The following RPAP2 variants were observed in gnomAD, a reference collection of about 807,000 sequenced individuals.
The protein encoded by RPAP2 is putative RNA polymerase II subunit B1 CTD phosphatase RPAP2.
In RPAP2, 52 loss-of-function variants were observed where a neutral mutation model predicts 73.1. That is an observed-to-expected ratio of 0.71 (90% CI 0.57 to 0.90). The LOEUF (loss-of-function observed/expected upper bound fraction) is 0.90, where lower values mean the gene tolerates loss of function less well. RPAP2 is among the 40% of genes least tolerant of loss of function. The pLI is 0.00. For missense variants in RPAP2, 598 were observed against 701.8 expected (o/e 0.85, Z 1.67); for synonymous variants, 225 against 242.1 (o/e 0.93, Z 0.65).
At chr1:92,363,358 G>C (rs1044016450) in intron 11 of RPAP2, among the ~76,000 whole-genome samples, 1 of 152,198 alleles carries the variant, frequency 6.6e-6, no homozygotes, top group Non-Finnish European at 1.5e-5. Context: ...GAGGCACAAG[G>C]AAATGTGATC....
At position 92,324,090 on chromosome 1, in the gene RPAP2, T is replaced by G. The variant is rs1194173013; in HGVS notation, c.1170T>G (p.Asn390Lys). 1 of 1,614,112 alleles carries G rather than the reference T, an allele frequency of 6.2e-7. No individual in the cohort carries two copies. Among genetic ancestry groups the G allele is most frequent in the Admixed American group, 1.7e-5 (1 of 60,024 alleles). Residue 390 changes from asparagine (N) to lysine (K), a missense_variant, in exon 8 of 13, where the codon AAT becomes AAG. Around this residue, in one of 3 missense-constraint regions of RPAP2, gnomAD observed 506 missense variants for 612.8 expected, o/e 0.83. Transcript: ENST00000610020. ...EETLRFLYGQNYASVCLKPEA... is the reference protein window; with the variant it reads ...EETLRFLYGQKYASVCLKPEA... ...CATTGAGGTTTTTGTATGGCCAGAA[T>G]TATGCTTCTGTGTGTCTGAAACCCG...
intron 6 of RPAP2, among the ~76,000 whole-genome samples, chr1:92,310,078 T>C (rs1327637057): frequency 6.6e-6 from 1 of 152,246 alleles, no homozygotes; most frequent in Non-Finnish European, 1.5e-5. Context: ...CTATTTATTA[T>C]ATTCCACTTG....
chr1:92,357,036 A>C (rs1654505253), intron 11 of RPAP2, among the ~76,000 whole-genome samples: 3 of 151,658 alleles, frequency 2.0e-5, no homozygotes, highest in Non-Finnish European at 4.4e-5. Context: ...ACTGCACTCC[A>C]GCCTGGGTGA....
At chr1:92,350,478 G>T (rs1307288444) in intron 11 of RPAP2, among the ~76,000 whole-genome samples, 2 of 152,282 alleles carry the variant, frequency 1.3e-5, no homozygotes, top group East Asian at 3.9e-4. Context: ...AAGTTTATCA[G>T]ACTTTACTCT....
chr1:92,305,431 T>G (rs1202865763), intron 5 of RPAP2, among the ~76,000 whole-genome samples: 1 of 9,742 alleles, frequency 1.0e-4, no homozygotes, highest in African/African-American at 5.6e-4. Flanking sequence ...AGGCTCCGTC[T>G]CAAAAAAAAA....
chr1:92,371,528 A>T (rs375854417), intron 11 of RPAP2, among the ~76,000 whole-genome samples: 1 of 151,956 alleles, frequency 6.6e-6, no homozygotes, highest in Non-Finnish European at 1.5e-5. Flanking sequence ...GAATCAGCCG[A>T]AGTGTCCATC....
chr1:92,395,842 A>C lies in RPAP2; in HGVS notation c.*8831A>C, dbSNP rs891099566. 2 of 152,196 alleles carry C rather than the reference A, an allele frequency of 1.3e-5. No individual in the cohort carries two copies. The highest frequency in any genetic ancestry group is 1.3e-4 in the Admixed American group (2 of 15,264). 9.4% of individuals were successfully genotyped at this position (152,196 alleles called of 1,614,324 possible). On this transcript the variant is annotated 3_prime_UTR_variant, in exon 13 of 13. Coordinates refer to ENST00000610020, the MANE Select transcript of RPAP2 (RefSeq NM_024813.3). Reference sequence around the variant, plus strand: ...GATATACAAATTGCTTAGCATATGAAGAGATGTGTACTATCACTAGTCATT... The same window carrying C: ...GATATACAAATTGCTTAGCATATGACGAGATGTGTACTATCACTAGTCATT...
At position 92,355,397 on chromosome 1, in the gene RPAP2, G is replaced by A. The variant is rs11586876; in HGVS notation, c.1688+9483G>A. Among the ~76,000 whole-genome samples, 721 of 152,196 alleles carry A rather than the reference G, an allele frequency of 4.7e-3. 3 individuals carry two copies. The highest frequency in any genetic ancestry group is 8.0e-3 in the Non-Finnish European group (546 of 67,996). On this transcript the variant is annotated intron_variant, in intron 11 of 12. Coordinates refer to ENST00000610020, the MANE Select transcript of RPAP2 (RefSeq NM_024813.3). Reference sequence around the variant, plus strand: ...CTTGGTAGTACTAATTCAAGTATGAGGTGTAAAAAGTAAGAAACTGTTTTC... The same window carrying A: ...CTTGGTAGTACTAATTCAAGTATGAAGTGTAAAAAGTAAGAAACTGTTTTC...
At chr1:92,377,137 A>G (rs1267816912) in intron 11 of RPAP2, among the ~76,000 whole-genome samples, 2 of 152,194 alleles carry the variant, frequency 1.3e-5, no homozygotes, top group South Asian at 2.1e-4. Context: ...CTTTAGTATT[A>G]TCAGCCCCAT....
chr1:92,375,753 C>T (rs1021512930), intron 11 of RPAP2, among the ~76,000 whole-genome samples: 1 of 152,102 alleles, frequency 6.6e-6, no homozygotes, highest in Non-Finnish European at 1.5e-5. Context: ...ATCACTTGAA[C>T]CCAAGAGGCG....
At position 92,323,812 on chromosome 1, in the gene RPAP2, C is replaced by T; in HGVS notation, c.892C>T (p.Gln298Ter). The change falls in exon 8 of 13, where the codon CAG becomes TAG. Residue 298 changes from glutamine (Q) to a stop codon, truncating the protein, a stop_gained. Coordinates refer to ENST00000610020, the MANE Select transcript of RPAP2 (RefSeq NM_024813.3). LOFTEE classifies it high-confidence loss of function. ...ACTTCCTTTACAGAAAGTAAATACT[C>T]AGAGTTCTTCAAATAGCACTTTGCC... The part of the protein sequence containing the change: ...CELPLQKVNT[Q>*]SSSNSTLPER... 1 of 1,614,054 alleles carries T rather than the reference C, an allele frequency of 6.2e-7. No individual in the cohort carries two copies. Among genetic ancestry groups the T allele is most frequent in the Non-Finnish European group, 8.5e-7 (1 of 1,179,984 alleles).
chr1:92,341,909 C>T, intron 10 of RPAP2, among the ~76,000 whole-genome samples: 1 of 152,346 alleles, frequency 6.6e-6, no homozygotes, highest in South Asian at 2.1e-4. Context: ...TCCCAACGTG[C>T]TAGGATTACA....
chr1:92,378,497 G>C (rs1014834107), intron 11 of RPAP2, among the ~76,000 whole-genome samples: 1 of 152,164 alleles, frequency 6.6e-6, no homozygotes, highest in Non-Finnish European at 1.5e-5. Flanking sequence ...ACAGGCATGA[G>C]CCATCGCGCC....
intron 6 of RPAP2, among the ~76,000 whole-genome samples, chr1:92,314,684 A>G (rs1651804292): frequency 6.6e-6 from 1 of 151,812 alleles, no homozygotes; most frequent in South Asian, 2.1e-4. Flanking sequence ...CAGAGGTTGC[A>G]GTGAGCTGAG....
At chr1:92,300,550 GTT>G (rs1650763880) in intron 2 of RPAP2, among the ~76,000 whole-genome samples, 1 of 152,158 alleles carries the variant, frequency 6.6e-6, no homozygotes, top group South Asian at 2.1e-4. Flanking sequence ...CACTCTCCAA[GTT>G]TCGCTGTCAC....
chr1:92,362,177 G>A (rs369304243), intron 11 of RPAP2, among the ~76,000 whole-genome samples: 1 of 152,156 alleles, frequency 6.6e-6, no homozygotes, highest in Non-Finnish European at 1.5e-5. Flanking sequence ...AAGAGTGCTC[G>A]TTAAATTCAA....
chr1:92,336,308 A>C (rs1364043624), intron 9 of RPAP2, 39 bp from the exon 10 acceptor site: 1 of 1,450,684 alleles, frequency 6.9e-7, no homozygotes. Context: ...GTTTCCATAT[A>C]ATTTTGTTTT....
chr1:92,347,048 A>G (rs1025849726), intron 11 of RPAP2, among the ~76,000 whole-genome samples: 4 of 152,184 alleles, frequency 2.6e-5, no homozygotes, highest in Admixed American at 6.5e-5. Flanking sequence ...GTCCCTAGGA[A>G]GGCTGTGCTG....
intron 12 of RPAP2, among the ~76,000 whole-genome samples, chr1:92,381,178 G>A (rs541452525): frequency 4.6e-5 from 7 of 152,240 alleles, no homozygotes; most frequent in African/African-American, 1.7e-4. Flanking sequence ...TGTCCCATCT[G>A]ATAAGTTTCT....
Sources: allele counts gnomAD v4.1 joint callset (sites outside exome capture counted in the v4.1 genomes callset), GRCh38; gene constraint gnomAD v4.1.1; regional missense constraint gnomAD v4.1.1; transcripts MANE v1.5; gene names NCBI Gene and HGNC (gene_info 2026-07-23, HGNC 2026-07-21).